The following FMO4 variants were observed in gnomAD, a reference collection of about 807,000 sequenced individuals.
The protein encoded by FMO4 is flavin containing dimethylaniline monoxygenase 4.
In FMO4, 38 loss-of-function variants were observed where a neutral mutation model predicts 43.3. The observed-to-expected ratio is 0.88, with a 90% CI of 0.68 to 1.15. FMO4 has a LOEUF of 1.15. Among genes scored for constraint, FMO4 ranks in the 50% most tolerant of loss-of-function variants. The pLI, the probability that FMO4 is intolerant of heterozygous loss-of-function variation, is 0.00. For missense variants in FMO4, 631 were observed against 663.3 expected, an observed-to-expected ratio of 0.95 and a Z score of 0.54; for synonymous variants, 224 against 232.2, an observed-to-expected ratio of 0.96 and a Z score of 0.32.
chr1:171,329,670 C>T (rs1662819090), intron 5 of FMO4, among the ~76,000 whole-genome samples: 1 of 152,234 alleles, frequency 6.6e-6, no homozygotes, highest in African/African-American at 2.4e-5. Flanking sequence ...GCCCCTCACA[C>T]CTGGCTCCAT....
rs746024147 is a variant in FMO4, at chr1:171,337,389, T to C, written c.1214T>C (p.Met405Thr). Residue 405 changes from methionine to threonine, a missense_variant, in exon 9 of 10, where the codon ATG becomes ACG. Transcript: ENST00000367749. ...LCKIPPSQKL[M>T]MEATEKEQLI... Reference sequence around the variant, plus strand: ...AAGATACCTCCATCCCAAAAATTGATGATGGAGGCTACTGAAAAGGAACAG... The same window carrying C: ...AAGATACCTCCATCCCAAAAATTGACGATGGAGGCTACTGAAAAGGAACAG... The C allele has an allele frequency of 2.5e-6, 4 of 1,612,958 alleles. No individual in the cohort carries two copies. Among genetic ancestry groups the C allele is most frequent in the South Asian group, 1.1e-5 (1 of 91,066 alleles).
chr1:171,332,427 A>C (rs1662939279), intron 6 of FMO4, among the ~76,000 whole-genome samples: 1 of 152,178 alleles, frequency 6.6e-6, no homozygotes, highest in Non-Finnish European at 1.5e-5. Flanking sequence ...ACATGTAAAA[A>C]ATTGCCAGAT....
In FMO4 at chr1:171,331,787, A is replaced by G. The variant is rs1172738376; in HGVS notation, c.627+5A>G. ...CTCAGTCGAACGGCAGCTCAGGTAC[A>G]TCATCTCTGAATTAATGCCCCTAAT... On this transcript the variant is annotated splice_donor_5th_base_variant and intron_variant, in intron 6 of 9. Transcript: ENST00000367749. 14 of 1,613,406 alleles carry G rather than the reference A, an allele frequency of 8.7e-6. No homozygotes were observed. The highest frequency in any genetic ancestry group is 4.5e-5 in the East Asian group (2 of 44,870).
At chr1:171,334,291 C>A in intron 7 of FMO4, 120 bp from the exon 8 acceptor site, 1 of 629,856 alleles carries the variant, frequency 1.6e-6, no homozygotes, top group Non-Finnish European at 2.7e-6. Flanking sequence ...TTGAATTAGA[C>A]ATTGGTTAAT....
intron 2 of FMO4, 83 bp from the exon 3 acceptor site, chr1:171,319,735 C>G: frequency 1.7e-6 from 2 of 1,192,854 alleles, no homozygotes; most frequent in Non-Finnish European, 2.4e-6. Context: ...GCATATATAG[C>G]ACTACAAAAA....
intron 9 of FMO4, among the ~76,000 whole-genome samples, chr1:171,339,371 A>G (rs1380889238): frequency 6.6e-6 from 1 of 152,274 alleles, no homozygotes; most frequent in East Asian, 1.9e-4. Context: ...GATAGACTCA[A>G]TACTGGTATT....
chr1:171,326,927 A>G (rs1011206473), intron 5 of FMO4, among the ~76,000 whole-genome samples: 2 of 152,168 alleles, frequency 1.3e-5, no homozygotes, highest in African/African-American at 2.4e-5. Context: ...TTTATCAAAT[A>G]TATTTCTTTT....
chr1:171,335,735 AT>A, intron 8 of FMO4, among the ~76,000 whole-genome samples: 1 of 152,274 alleles, frequency 6.6e-6, no homozygotes, highest in Admixed American at 6.5e-5. Flanking sequence ...AAAAAATGTT[AT>A]TTGAATGGGG....
At chr1:171,323,223 A>C (rs764754876) in intron 4 of FMO4, 31 bp downstream of exon 4, 1 of 1,442,760 alleles carries the variant, frequency 6.9e-7, no homozygotes. Flanking sequence ...GAAGATGAAT[A>C]GATGGGGGCT....
chr1:171,330,374 A>C (rs780186770), intron 5 of FMO4, among the ~76,000 whole-genome samples: 4 of 152,180 alleles, frequency 2.6e-5, no homozygotes, highest in Non-Finnish European at 5.9e-5. Context: ...TGTTTCCACT[A>C]TTCTTACCAT....
intron 8 of FMO4, among the ~76,000 whole-genome samples, chr1:171,336,624 G>C (rs1663129247): frequency 1.3e-5 from 2 of 151,926 alleles, no homozygotes; most frequent in Non-Finnish European, 2.9e-5. Context: ...TTTTTTTAGA[G>C]ACCAGTCCTC....
intron 9 of FMO4, among the ~76,000 whole-genome samples, chr1:171,339,340 C>A (rs1324465163): frequency 1.3e-5 from 2 of 152,130 alleles, no homozygotes; most frequent in Non-Finnish European, 2.9e-5. Context: ...GGAGAAAAAG[C>A]AGCCCAAGGA....
chr1:171,338,520 G>A (rs1663214329), intron 9 of FMO4, among the ~76,000 whole-genome samples: 1 of 152,072 alleles, frequency 6.6e-6, no homozygotes, highest in Non-Finnish European at 1.5e-5. Context: ...AGGCATTCCA[G>A]CCTCCTACCT....
In FMO4 at chr1:171,331,795, T is replaced by C. The variant is rs761392630; in HGVS notation, c.627+13T>C. 5 of 1,611,220 alleles carry C rather than the reference T, an allele frequency of 3.1e-6. No homozygotes were observed. In the East Asian group the frequency reaches 1.1e-4, roughly 36 times the overall value. Reference sequence around the variant, plus strand: ...AACGGCAGCTCAGGTACATCATCTCTGAATTAATGCCCCTAATCCCATCAT... The same window carrying C: ...AACGGCAGCTCAGGTACATCATCTCCGAATTAATGCCCCTAATCCCATCAT... On this transcript the variant is annotated intron_variant, in intron 6 of 9. Coordinates refer to ENST00000367749, the MANE Select transcript of FMO4 (RefSeq NM_002022.3).
At chr1:171,327,623 C>T (rs16864396) in intron 5 of FMO4, among the ~76,000 whole-genome samples, 7,367 of 152,090 alleles carry the variant, frequency 0.048, 573 homozygotes, top group African/African-American at 0.16. Flanking sequence ...GGTTTAAATT[C>T]GTTAATACAG....
At chr1:171,317,611 T>TA (rs1186588445) in intron 2 of FMO4, among the ~76,000 whole-genome samples, 5 of 152,246 alleles carry the variant, frequency 3.3e-5, no homozygotes, top group Admixed American at 6.5e-5. Context: ...ACTGGTCCTA[T>TA]ATCTCCATGT....
At chr1:171,321,440 A>G (rs774199391) in intron 3 of FMO4, among the ~76,000 whole-genome samples, 8 of 152,292 alleles carry the variant, frequency 5.3e-5, no homozygotes, top group Non-Finnish European at 1.2e-4. Flanking sequence ...CATGTAGCCT[A>G]CACACATCCT....
chr1:171,331,866 T>C lies in FMO4; in HGVS notation c.627+84T>C, dbSNP rs146736722. On this transcript the variant is annotated intron_variant, in intron 6 of 9. Coordinates refer to ENST00000367749, the MANE Select transcript of FMO4 (RefSeq NM_002022.3). Reference sequence around the variant, plus strand: ...AGATATTCAAAACTATGAAGTACATTGGCCAATTGCTAAATTATGCAGACA... The same window carrying C: ...AGATATTCAAAACTATGAAGTACATCGGCCAATTGCTAAATTATGCAGACA... 2.4e-4 allele frequency: 303 copies of C among 1,241,228 alleles called. 3 individuals are homozygous for C. The East Asian group carries it at 5.9e-3, about 24-fold the overall frequency. The allele number at this position is 1,241,228 out of a possible 1,614,324, so 76.9% of individuals were successfully genotyped here.
At chr1:171,318,382 G>A (rs926052283) in intron 2 of FMO4, among the ~76,000 whole-genome samples, 3 of 151,786 alleles carry the variant, frequency 2.0e-5, no homozygotes, top group East Asian at 3.9e-4. Flanking sequence ...TGAACATGGT[G>A]GCTCACTCCT....
Sources: allele counts gnomAD v4.1 joint callset (sites outside exome capture counted in the v4.1 genomes callset), GRCh38; gene constraint gnomAD v4.1.1; transcripts MANE v1.5; gene names NCBI Gene and HGNC (gene_info 2026-07-23, HGNC 2026-07-21).